Variants in DOCK3 observed in about 807,000 individuals in gnomAD.
DOCK3 encodes the protein dedicator of cytokinesis protein 3.
DOCK3 carries 60 observed loss-of-function variants against 265.6 expected under a neutral mutation model. The ratio of observed to expected loss-of-function variants is 0.23; its 90% CI spans 0.18 to 0.28. The LOEUF (loss-of-function observed/expected upper bound fraction) is 0.28. DOCK3 is among the 10% of genes least tolerant of loss of function. The probability of loss-of-function intolerance (pLI) is 1.00; values close to 1 mark genes in which losing one functional copy is unlikely to be tolerated. For synonymous variants in DOCK3, 881 were observed against 938.0 expected, an observed-to-expected ratio of 0.94 and a Z score of 1.11; for missense variants, 1,981 against 2,594.3, an observed-to-expected ratio of 0.76 and a Z score of 5.14.
intron 12 of DOCK3, among the ~76,000 whole-genome samples, chr3:51,167,892 C>T (rs2086484673): frequency 6.6e-6 from 1 of 152,122 alleles, no homozygotes; most frequent in Non-Finnish European, 1.5e-5. Context: ...CAAACAGAGA[C>T]AGTTGAACTC....
intron 4 of DOCK3, among the ~76,000 whole-genome samples, chr3:50,891,380 A>G (rs966200506): frequency 6.6e-6 from 1 of 152,108 alleles, no homozygotes; most frequent in Admixed American, 6.6e-5. Flanking sequence ...TGAATCCACA[A>G]CTAGCATACT....
chr3:50,762,063 A>G (rs2040565462), intron 1 of DOCK3, among the ~76,000 whole-genome samples: 1 of 152,112 alleles, frequency 6.6e-6, no homozygotes, highest in South Asian at 2.1e-4. Context: ...CAATGAGAAC[A>G]CTTGGACACA....
intron 1 of DOCK3, among the ~76,000 whole-genome samples, chr3:50,774,602 C>A (rs2041479228): frequency 6.6e-6 from 1 of 151,840 alleles, no homozygotes; most frequent in African/African-American, 2.4e-5. Context: ...TGTCTATATT[C>A]TTTTGGATTT....
At chr3:51,343,477 A>C (rs1445172327) in intron 38 of DOCK3, among the ~76,000 whole-genome samples, 1 of 152,236 alleles carries the variant, frequency 6.6e-6, no homozygotes, top group Non-Finnish European at 1.5e-5. Context: ...TGCTGCTCCA[A>C]GGCACTCACT....
intron 4 of DOCK3, 122 bp downstream of exon 4, chr3:50,890,203 A>G: frequency 3.1e-6 from 2 of 644,180 alleles, no homozygotes; most frequent in Admixed American, 4.2e-5. Flanking sequence ...AAAAATGTAC[A>G]TGCTTTATCA....
chr3:51,237,714 A>G, intron 21 of DOCK3, 124 bp downstream of exon 21: 1 of 842,332 alleles, frequency 1.2e-6, no homozygotes, highest in Non-Finnish European at 1.9e-6. Context: ...TATATTTTTA[A>G]TTGTGATAAA....
chr3:51,179,133 A>T (rs2087135853), intron 12 of DOCK3, among the ~76,000 whole-genome samples: 1 of 152,346 alleles, frequency 6.6e-6, no homozygotes, highest in Admixed American at 6.5e-5. Context: ...AGCTGTAAAC[A>T]CATTTTTTTG....
chr3:51,092,654 G>C (rs1040450118), intron 9 of DOCK3, among the ~76,000 whole-genome samples: 1 of 152,204 alleles, frequency 6.6e-6, no homozygotes, highest in Non-Finnish European at 1.5e-5. Flanking sequence ...CACAGCGTTT[G>C]AGCTCTGCTA....
chr3:50,970,868 A>G (rs1195270867), intron 5 of DOCK3, among the ~76,000 whole-genome samples: 1 of 113,974 alleles, frequency 8.8e-6, no homozygotes, highest in Non-Finnish European at 1.7e-5. Flanking sequence ...CTACAGGCAC[A>G]TACTACCACA....
chr3:50,892,485 A>G (rs1015199882), intron 4 of DOCK3, among the ~76,000 whole-genome samples: 1 of 152,114 alleles, frequency 6.6e-6, no homozygotes, highest in Admixed American at 6.6e-5. Flanking sequence ...TACCTTTGTC[A>G]GTCCCTTCTC....
In DOCK3 at chr3:51,228,656, T is replaced by C. The variant is rs1413716178; in HGVS notation, c.1648-5T>C. On this transcript the variant is annotated splice_region_variant and splice_polypyrimidine_tract_variant and intron_variant, in intron 17 of 52. Transcript: ENST00000266037. ...GGACATTTTTTTCTCCATTTTTGCCTACAGTGTGATGAGAATAGCACGTTT... is the reference window on the plus strand; with the variant it reads ...GGACATTTTTTTCTCCATTTTTGCCCACAGTGTGATGAGAATAGCACGTTT... The C allele has an allele frequency of 1.2e-6, 2 of 1,608,942 alleles. No homozygotes were observed. The highest frequency in any genetic ancestry group is 1.7e-6 in the Non-Finnish European group (2 of 1,177,458).
chr3:50,880,443 A>T (rs900367699), intron 3 of DOCK3: 3 of 154,058 alleles, frequency 1.9e-5, no homozygotes, highest in African/African-American at 7.2e-5. Flanking sequence ...GATAAAGGGG[A>T]TATCACCGCC....
intron 4 of DOCK3, among the ~76,000 whole-genome samples, chr3:50,895,780 C>A (rs1243964847): frequency 6.6e-6 from 1 of 152,108 alleles, no homozygotes; most frequent in Non-Finnish European, 1.5e-5. Context: ...GTCTTCTGTT[C>A]CTGTGTTAGT....
At chr3:50,874,390 CAGCTACCTGGGAGGCTGA>C (rs998306810) in intron 3 of DOCK3, among the ~76,000 whole-genome samples, 34 of 151,996 alleles carry the variant, frequency 2.2e-4, no homozygotes, top group African/African-American at 8.2e-4. Flanking sequence ...TTTGTAGTCC[CAGCTACCTGGGAGGCTGA>C]AGCAGGAGGA....
chr3:51,257,406 C>G (rs918820980), intron 22 of DOCK3, among the ~76,000 whole-genome samples: 1 of 152,184 alleles, frequency 6.6e-6, no homozygotes, highest in Admixed American at 6.5e-5. Flanking sequence ...ATAACCTTAT[C>G]TCCTTTTACC....
intron 9 of DOCK3, among the ~76,000 whole-genome samples, chr3:51,111,733 C>A (rs1041180560): frequency 6.6e-6 from 1 of 152,102 alleles, no homozygotes; most frequent in African/African-American, 2.4e-5. Context: ...ATTTAAAGAG[C>A]TTCTGCATGG....
intron 14 of DOCK3, among the ~76,000 whole-genome samples, chr3:51,216,158 A>G (rs2089776965): frequency 6.6e-6 from 1 of 152,180 alleles, no homozygotes. Flanking sequence ...TACCTTCGTG[A>G]TAGTCTTCAC....
chr3:50,873,971 T>G (rs900127979), intron 3 of DOCK3, among the ~76,000 whole-genome samples: 2 of 152,000 alleles, frequency 1.3e-5, no homozygotes, highest in Non-Finnish European at 2.9e-5. Flanking sequence ...TTCTTCATTT[T>G]CTCTTTCAGT....
chr3:51,269,522 T>C (rs2080385948), intron 23 of DOCK3, among the ~76,000 whole-genome samples: 1 of 152,176 alleles, frequency 6.6e-6, no homozygotes, highest in Non-Finnish European at 1.5e-5. Context: ...GGGCCTGGCC[T>C]GAATAAAGAC....
Sources: allele counts gnomAD v4.1 joint callset (sites outside exome capture counted in the v4.1 genomes callset), GRCh38; gene constraint gnomAD v4.1.1; transcripts MANE v1.5; gene names NCBI Gene and HGNC (gene_info 2026-07-23, HGNC 2026-07-21).